The following MGAT4C variants were observed in gnomAD, a reference collection of about 807,000 sequenced individuals.
MGAT4C encodes MGAT4 family member C, also known as alpha-1,3-mannosyl-glycoprotein 4-beta-N-acetylglucosaminyltransferase C.
In MGAT4C, 19 loss-of-function variants were observed where a neutral mutation model predicts 40.1. The observed-to-expected ratio is 0.47, with a 90% confidence interval of 0.33 to 0.70. The LOEUF (loss-of-function observed/expected upper bound fraction) is 0.70. MGAT4C is among the 30% of genes least tolerant of loss of function. The pLI is 0.02. For missense variants in MGAT4C, 491 were observed against 563.2 expected (o/e 0.87, Z 1.30); for synonymous variants, 181 against 187.1 (o/e 0.97, Z 0.27).
At chr12:86,577,450 T>C (rs980358669) in intron 2 of MGAT4C, among the ~76,000 whole-genome samples, 28 of 151,846 alleles carry the variant, frequency 1.8e-4, no homozygotes, top group African/African-American at 6.3e-4. Context: ...GTCTGTCGTA[T>C]ATGGCTTTTA....
chr12:86,275,164 C>T (rs943005768), intron 4 of MGAT4C, among the ~76,000 whole-genome samples: 1 of 152,098 alleles, frequency 6.6e-6, no homozygotes, highest in African/African-American at 2.4e-5. Flanking sequence ...GAAAATTAAA[C>T]GACAACTAAT....
intron 1 of MGAT4C, among the ~76,000 whole-genome samples, chr12:86,758,101 G>A (rs1240310775): frequency 1.3e-5 from 2 of 152,070 alleles, no homozygotes; most frequent in Non-Finnish European, 2.9e-5. Flanking sequence ...CTGATGATAG[G>A]TGACAGCTGT....
intron 2 of MGAT4C, among the ~76,000 whole-genome samples, chr12:86,639,043 T>C (rs1017894221): frequency 6.6e-6 from 1 of 151,708 alleles, no homozygotes; most frequent in Non-Finnish European, 1.5e-5. Flanking sequence ...TCTTGAAAAA[T>C]AACAATTTGA....
intron 1 of MGAT4C, among the ~76,000 whole-genome samples, chr12:86,196,303 G>T (rs1949802089): frequency 6.6e-6 from 1 of 152,172 alleles, no homozygotes; most frequent in Admixed American, 6.5e-5. Context: ...TAAGGCTCAC[G>T]CATAATCCTC....
intron 2 of MGAT4C, among the ~76,000 whole-genome samples, chr12:86,039,232 G>A (rs953623518): frequency 6.6e-6 from 1 of 152,100 alleles, no homozygotes; most frequent in Non-Finnish European, 1.5e-5. Context: ...TCTTTGTGAT[G>A]TTCTCTCTGT....
intron 2 of MGAT4C, among the ~76,000 whole-genome samples, chr12:86,524,287 G>T (rs924846658): frequency 7.9e-5 from 12 of 152,260 alleles, no homozygotes; most frequent in African/African-American, 2.9e-4. Flanking sequence ...CAGGTCTGGT[G>T]CTAACAAATG....
intron 1 of MGAT4C, among the ~76,000 whole-genome samples, chr12:86,755,227 A>T (rs920967930): frequency 6.6e-6 from 1 of 152,182 alleles, no homozygotes; most frequent in African/African-American, 2.4e-5. Flanking sequence ...AATCTATAAC[A>T]TCATTCCTGC....
intron 3 of MGAT4C, among the ~76,000 whole-genome samples, chr12:86,423,880 C>T (rs1787372879): frequency 6.6e-6 from 1 of 152,068 alleles, no homozygotes; most frequent in African/African-American, 2.4e-5. Flanking sequence ...TAGAGCCATA[C>T]CCATACAAGC....
intron 2 of MGAT4C, among the ~76,000 whole-genome samples, chr12:86,678,996 A>T (rs1380732007): frequency 6.6e-6 from 1 of 152,072 alleles, no homozygotes; most frequent in Admixed American, 6.5e-5. Flanking sequence ...ATCCCTGAGG[A>T]ATCGCCACAC....
chr12:86,407,084 C>T (rs1956489188), intron 3 of MGAT4C, among the ~76,000 whole-genome samples: 2 of 152,032 alleles, frequency 1.3e-5, no homozygotes, highest in Non-Finnish European at 2.9e-5. Flanking sequence ...CATGAAGTCT[C>T]GCAGAACTCA....
chr12:86,396,246 G>C (rs1565730585), intron 3 of MGAT4C, among the ~76,000 whole-genome samples: 1 of 152,118 alleles, frequency 6.6e-6, no homozygotes. Flanking sequence ...AAGTTATTGT[G>C]AGTTTATTTA....
chr12:85,978,981 AT>A lies in MGAT4C; in HGVS notation c.*307del, dbSNP rs1162461212. On this transcript the variant is annotated 3_prime_UTR_variant, in exon 5 of 5. Transcript: ENST00000611864. ...TTTTTCAAAAATCATCATCCAACAA[AT>A]TTTTTTCATTTAAAATCTTTCATAT... 2.7e-5 allele frequency: 5 copies of A among 187,892 alleles called. No homozygotes were observed. The highest frequency in any genetic ancestry group is 5.6e-5 in the Admixed American group (1 of 17,764). 11.6% of individuals were successfully genotyped at this position (187,892 alleles called of 1,614,324 possible). A position where few individuals can be genotyped will look rare whatever the true frequency, so the allele number is the denominator to read the frequency against.
At chr12:86,099,608 C>T (rs1227609749) in intron 1 of MGAT4C, among the ~76,000 whole-genome samples, 1 of 151,244 alleles carries the variant, frequency 6.6e-6, no homozygotes, top group African/African-American at 2.4e-5. Context: ...TTATTAATTT[C>T]TAAAGAAGCT....
At chr12:86,608,858 T>C (rs941075228) in intron 2 of MGAT4C, among the ~76,000 whole-genome samples, 4 of 152,182 alleles carry the variant, frequency 2.6e-5, no homozygotes, top group African/African-American at 9.6e-5. Context: ...TTAGACTTTC[T>C]TGGTCTTTCT....
intron 4 of MGAT4C, among the ~76,000 whole-genome samples, chr12:86,276,435 C>T (rs537581916): frequency 2.2e-4 from 34 of 152,258 alleles, no homozygotes; most frequent in South Asian, 2.1e-3. Flanking sequence ...CAATTATACT[C>T]TTTCATATTT....
intron 4 of MGAT4C, among the ~76,000 whole-genome samples, chr12:86,281,001 T>C (rs1324627905): frequency 5.9e-5 from 9 of 152,128 alleles, no homozygotes; most frequent in African/African-American, 9.6e-5. Flanking sequence ...ATTATTGACA[T>C]GGTTATGTCC....
chr12:86,186,669 T>C (rs1232268083), intron 1 of MGAT4C, among the ~76,000 whole-genome samples: 1 of 152,110 alleles, frequency 6.6e-6, no homozygotes, highest in African/African-American at 2.4e-5. Flanking sequence ...AGGAGAAGCA[T>C]ACATGCCTAG....
chr12:86,578,553 T>C (rs775775056), intron 2 of MGAT4C, among the ~76,000 whole-genome samples: 1 of 151,832 alleles, frequency 6.6e-6, no homozygotes, highest in Non-Finnish European at 1.5e-5. Context: ...TTACTTGTTA[T>C]TGGCCTGTTC....
intron 2 of MGAT4C, among the ~76,000 whole-genome samples, chr12:86,022,013 T>A (rs1260038624): frequency 3.9e-5 from 6 of 152,210 alleles, no homozygotes; most frequent in Admixed American, 3.9e-4. Flanking sequence ...CATTTTCCTG[T>A]TTAAGTGTTG....
Sources: gnomAD v4.1 joint callset for allele counts (sites outside exome capture counted in the v4.1 genomes callset) on GRCh38, gnomAD v4.1.1 for gene constraint, MANE v1.5 for transcripts, NCBI Gene and HGNC (gene_info 2026-07-23, HGNC 2026-07-21) for gene names.